Variants in DPH6 observed in about 807,000 individuals in gnomAD.
The protein encoded by DPH6 is diphthine--ammonia ligase.
DPH6 carries 33 observed loss-of-function variants against 38.2 expected under a neutral mutation model. The ratio of observed to expected loss-of-function variants is 0.86; its 90% CI spans 0.65 to 1.15. The LOEUF is 1.15. Ranked by LOEUF, DPH6 falls within the 50% of genes most tolerant of loss-of-function variation. The pLI is 0.00. For missense variants in DPH6, 325 were observed against 320.0 expected (o/e 1.02, Z -0.12); for synonymous variants, 108 against 103.0 (o/e 1.05, Z -0.30).
intron 3 of DPH6, among the ~76,000 whole-genome samples, chr15:35,527,248 A>G (rs2055017331): frequency 6.6e-6 from 1 of 152,164 alleles, no homozygotes; most frequent in African/African-American, 2.4e-5. Context: ...AGAAGACCTG[A>G]GGCTAAAATG....
chr15:35,175,901 G>A, the DPH6 span, among the ~76,000 whole-genome samples: 1 of 152,198 alleles, frequency 6.6e-6, no homozygotes, highest in Non-Finnish European at 1.5e-5. Context: ...CAGGGTACTA[G>A]GGTACTGTTT....
intron 3 of DPH6, among the ~76,000 whole-genome samples, chr15:35,524,640 T>A (rs2054971786): frequency 6.6e-6 from 1 of 152,178 alleles, no homozygotes; most frequent in Admixed American, 6.5e-5. Flanking sequence ...CCTCTCTGTA[T>A]CTCAGTTTAC....
intron 3 of DPH6, among the ~76,000 whole-genome samples, chr15:35,244,414 C>T (rs543107478): frequency 6.6e-6 from 1 of 152,302 alleles, no homozygotes; most frequent in Non-Finnish European, 1.5e-5. Context: ...GGTGTGGTGT[C>T]CCCTGGACAC....
chr15:35,494,903 G>C (rs912972651), intron 3 of DPH6, among the ~76,000 whole-genome samples: 3 of 151,948 alleles, frequency 2.0e-5, no homozygotes, highest in Non-Finnish European at 4.4e-5. Context: ...AAATATTACA[G>C]GCTTTCACCC....
At chr15:35,177,908 C>G in the DPH6 span, among the ~76,000 whole-genome samples, 1 of 151,766 alleles carries the variant, frequency 6.6e-6, no homozygotes, top group South Asian at 2.1e-4. Flanking sequence ...TGCCATTGCA[C>G]TCCAGCCTGG....
intron 3 of DPH6, among the ~76,000 whole-genome samples, chr15:35,238,553 G>A (rs886726628): frequency 4.6e-4 from 70 of 152,178 alleles, no homozygotes; most frequent in Non-Finnish European, 5.6e-4. Context: ...AAGCTTTCAT[G>A]TTTCTGTGGT....
intron 3 of DPH6, among the ~76,000 whole-genome samples, chr15:35,349,240 G>C (rs7183552): frequency 1.8e-4 from 28 of 152,088 alleles, no homozygotes; most frequent in African/African-American, 6.3e-4. Flanking sequence ...CCAATCTTAA[G>C]AGGAAAAGCT....
intron 5 of DPH6, among the ~76,000 whole-genome samples, chr15:35,421,417 TA>T (rs951217062): frequency 6.6e-6 from 1 of 152,168 alleles, no homozygotes; most frequent in African/African-American, 2.4e-5. Context: ...AAATGATCAA[TA>T]AAAAATATTA....
chr15:35,254,605 A>G (rs143447329), intron 3 of DPH6, among the ~76,000 whole-genome samples: 1 of 152,322 alleles, frequency 6.6e-6, no homozygotes, highest in East Asian at 1.9e-4. Context: ...GCTGTGGTTT[A>G]CAGTTGCACT....
At chr15:35,326,105 T>G (rs909582368), downstream of DPH6, among the ~76,000 whole-genome samples, 1 of 152,186 alleles carries the variant, frequency 6.6e-6, no homozygotes, top group African/African-American at 2.4e-5. Context: ...AAGTAGAAAT[T>G]GGCACTATGA....
intron 6 of DPH6, among the ~76,000 whole-genome samples, chr15:35,384,555 C>T (rs1307566695): frequency 2.6e-5 from 4 of 152,172 alleles, no homozygotes; most frequent in Admixed American, 6.5e-5. Flanking sequence ...CCCAGCTACT[C>T]AGGAGGCTGA....
intron 6 of DPH6, chr15:35,401,798 G>T: frequency 3.3e-6 from 2 of 611,092 alleles, no homozygotes; most frequent in South Asian, 1.5e-5. Context: ...CTTAACAGGA[G>T]AGGAGAGCCA....
intron 5 of DPH6, among the ~76,000 whole-genome samples, chr15:35,444,931 C>G (rs893147037): frequency 6.6e-6 from 1 of 152,158 alleles, no homozygotes; most frequent in African/African-American, 2.4e-5. Flanking sequence ...AGAGACAATA[C>G]TCATCAAGCA....
At chr15:35,188,330 G>C in the DPH6 span, among the ~76,000 whole-genome samples, 6 of 152,152 alleles carry the variant, frequency 3.9e-5, no homozygotes, top group East Asian at 1.2e-3. Flanking sequence ...AAGTGAGCAT[G>C]TGTACAACTC....
chr15:35,286,101 T>C (rs1202817158), intron 3 of DPH6, among the ~76,000 whole-genome samples: 1 of 152,060 alleles, frequency 6.6e-6, no homozygotes, highest in Non-Finnish European at 1.5e-5. Flanking sequence ...TCACCTGTCC[T>C]GGGTAAAAAA....
chr15:35,215,714 T>C (rs940357790), downstream of DPH6, among the ~76,000 whole-genome samples: 14 of 152,224 alleles, frequency 9.2e-5, no homozygotes, highest in Admixed American at 4.6e-4. Context: ...GCCATTATCA[T>C]ATGCCATTTA....
exon 4 of DPH6, chr15:35,219,204 G>A (rs1293882793): frequency 6.6e-6 from 1 of 152,158 alleles, no homozygotes; most frequent in Admixed American, 6.5e-5. Flanking sequence ...ATGCTGAAAT[G>A]CAGCCATAAT....
Position 35,300,342 on chromosome 15 carries a change from T to C in DPH6, n.200+73179A>G, listed in dbSNP as rs181255404. 5.9e-3 allele frequency among the ~76,000 whole-genome samples: 892 copies of C among 152,270 alleles called. 5 individuals carry two copies. The highest frequency in any genetic ancestry group is 0.021 in the African/African-American group (865 of 41,548). ...TTAAAAGATCATTTTGAGTACTACA[T>C]TGAGAATAAATCATGGAGGAGGCAG... On this transcript the variant is annotated intron_variant and non_coding_transcript_variant, in intron 3 of 3. Transcript: ENST00000560386.
chr15:35,542,002 A>G (rs1312396077), intron 2 of DPH6, among the ~76,000 whole-genome samples: 2 of 152,144 alleles, frequency 1.3e-5, no homozygotes, highest in African/African-American at 4.8e-5. Flanking sequence ...TCATTTATCA[A>G]TATGTGTCTT....
Sources: allele counts gnomAD v4.1 joint callset (sites outside exome capture counted in the v4.1 genomes callset), GRCh38; gene constraint gnomAD v4.1.1; transcripts MANE v1.5; gene names NCBI Gene and HGNC (gene_info 2026-07-23, HGNC 2026-07-21).